The following SUSD1 variants were observed in gnomAD, a reference collection of about 807,000 sequenced individuals.
The protein encoded by SUSD1 is sushi domain-containing protein 1.
SUSD1 carries 65 observed loss-of-function variants against 86.9 expected under a neutral mutation model. The ratio of observed to expected loss-of-function variants is 0.75; its 90% CI spans 0.61 to 0.92. The LOEUF is 0.92. Among genes scored for constraint, SUSD1 ranks in the 40% least tolerant of loss-of-function variants. The pLI, the probability that SUSD1 is intolerant of heterozygous loss-of-function variation, is 0.00. For synonymous variants in SUSD1, 346 were observed against 350.0 expected, an observed-to-expected ratio of 0.99 and a Z score of 0.13; for missense variants, 850 against 929.7, an observed-to-expected ratio of 0.91 and a Z score of 1.11.
intron 1 of SUSD1, among the ~76,000 whole-genome samples, chr9:112,158,988 T>TA (rs1315875815): frequency 7.4e-6 from 1 of 135,902 alleles, no homozygotes; most frequent in Non-Finnish European, 1.5e-5. Context: ...AGCTGCCTAT[T>TA]ACCCTACTCA....
chr9:112,090,478 T>A (rs1830160846), intron 10 of SUSD1, among the ~76,000 whole-genome samples: 1 of 152,116 alleles, frequency 6.6e-6, no homozygotes. Context: ...TCCCAGGGCA[T>A]AAATAATGAA....
At chr9:112,085,230 C>G (rs985719029) in intron 10 of SUSD1, among the ~76,000 whole-genome samples, 3 of 152,082 alleles carry the variant, frequency 2.0e-5, no homozygotes, top group Admixed American at 2.0e-4. Flanking sequence ...TGCTTTCTGC[C>G]CATAACATGC....
chr9:112,135,530 T>G (rs1181384628), intron 5 of SUSD1, among the ~76,000 whole-genome samples: 1 of 152,226 alleles, frequency 6.6e-6, no homozygotes, highest in Non-Finnish European at 1.5e-5. Flanking sequence ...GTGACAATAA[T>G]GTTTGTTGAT....
At position 112,141,751 on chromosome 9, in the gene SUSD1, A is replaced by AATATATATAATATATATTACATGTAAT. The variant is rs34336560; in HGVS notation, c.706+568_706+569insATTACATGTAATATATATTATATATAT. Reference sequence around the variant, plus strand: ...ATTATATATAATATATATTACATGTAATATATAATATATAATACATTACAT... The same window carrying AATATATATAATATATATTACATGTAAT: ...ATTATATATAATATATATTACATGTAATATATATAATATATATTACATGTAATATATATAATATATAATACATTACAT... On this transcript the variant is annotated intron_variant, in intron 5 of 16. Transcript: ENST00000374270. Among the ~76,000 whole-genome samples the AATATATATAATATATATTACATGTAAT allele has an allele frequency of 4.9e-5, 7 of 143,616 alleles. No individual in the cohort carries two copies. The South Asian group carries it at 1.5e-3, about 31-fold the overall frequency. 94.2% of individuals were successfully genotyped at this position (143,616 alleles called of 152,430 possible).
chr9:112,068,264 T>C (rs1829080281), intron 12 of SUSD1, among the ~76,000 whole-genome samples: 1 of 152,022 alleles, frequency 6.6e-6, no homozygotes, highest in African/African-American at 2.4e-5. Flanking sequence ...TGCAGAGGCA[T>C]GAGGTGGTGG....
At chr9:112,115,813 AAAAAAAAAAAG>A (rs1184185120) in intron 6 of SUSD1, among the ~76,000 whole-genome samples, 6 of 15,930 alleles carry the variant, frequency 3.8e-4, no homozygotes, top group Admixed American at 1.2e-3. Context: ...CATTGCAAAA[AAAAAAAAAAAG>A]AAAAAAAAAA....
At chr9:112,138,077 A>G (rs1000802646) in intron 5 of SUSD1, among the ~76,000 whole-genome samples, 1 of 149,948 alleles carries the variant, frequency 6.7e-6, no homozygotes, top group African/African-American at 2.5e-5. Context: ...ACAAAAAATT[A>G]GCTGGGCATG....
intron 8 of SUSD1, among the ~76,000 whole-genome samples, chr9:112,107,254 C>CAAAA (rs71382407): frequency 3.2e-4 from 21 of 66,166 alleles, no homozygotes; most frequent in Non-Finnish European, 4.6e-4. Flanking sequence ...GACCATATCT[C>CAAAA]AAAAAAAAAA....
intron 12 of SUSD1, among the ~76,000 whole-genome samples, chr9:112,071,075 C>A (rs1262488490): frequency 6.6e-6 from 1 of 152,106 alleles, no homozygotes; most frequent in Non-Finnish European, 1.5e-5. Flanking sequence ...GCTTTGAACT[C>A]CTGGACTCAA....
chr9:112,132,183 T>C (rs548488611), intron 5 of SUSD1, among the ~76,000 whole-genome samples: 5 of 152,252 alleles, frequency 3.3e-5, no homozygotes, highest in African/African-American at 9.6e-5. Flanking sequence ...ATAACATAGA[T>C]TGATGACAGA....
chr9:112,058,951 G>A (rs1828583755), intron 13 of SUSD1, among the ~76,000 whole-genome samples: 1 of 152,038 alleles, frequency 6.6e-6, no homozygotes, highest in East Asian at 1.9e-4. Flanking sequence ...ATGCCACCAC[G>A]CCCAACTAAC....
At chr9:112,097,143 T>C (rs773544319) in intron 10 of SUSD1, among the ~76,000 whole-genome samples, 8 of 151,946 alleles carry the variant, frequency 5.3e-5, no homozygotes, top group Non-Finnish European at 8.8e-5. Flanking sequence ...CTGGCCAACA[T>C]GGTGAAACCC....
intron 1 of SUSD1, among the ~76,000 whole-genome samples, chr9:112,165,942 G>GAAGAAAGAAAAGAAAGAAAGAAAGA: frequency 1.4e-5 from 1 of 71,962 alleles, no homozygotes; most frequent in African/African-American, 5.5e-5. Flanking sequence ...AAGAAAGAAA[G>GAAGAAAGAAAAGAAAGAAAGAAAGA]AAGAAAGAAA....
At chr9:112,068,508 T>C (rs1448358805) in intron 12 of SUSD1, among the ~76,000 whole-genome samples, 1 of 152,058 alleles carries the variant, frequency 6.6e-6, no homozygotes, top group Non-Finnish European at 1.5e-5. Context: ...CAAGACCAGC[T>C]TGGGCAACAT....
At chr9:112,097,018 A>AT (rs1277660760) in intron 10 of SUSD1, among the ~76,000 whole-genome samples, 3 of 113,800 alleles carry the variant, frequency 2.6e-5, no homozygotes, top group Non-Finnish European at 3.6e-5. Flanking sequence ...GCTCAATCTG[A>AT]TAAAAAAAAT....
chr9:112,071,543 T>C (rs1270103871), intron 12 of SUSD1, among the ~76,000 whole-genome samples: 1 of 152,116 alleles, frequency 6.6e-6, no homozygotes, highest in Non-Finnish European at 1.5e-5. Context: ...ATATCACTAA[T>C]GAAGGTAAAC....
At position 112,102,103 on chromosome 9, in the gene SUSD1, A is replaced by G. The variant is rs558448280; in HGVS notation, c.1281+73T>C. On this transcript the variant is annotated intron_variant, in intron 9 of 16. Transcript: ENST00000374270. ...GTTCATTCATTTTTAAATACTTTGG[A>G]TACTTACTTGGAGATCGCCCAAATT... 75 of 728,598 alleles carry G rather than the reference A, an allele frequency of 1.0e-4. 2 individuals carry two copies. In the South Asian group the frequency reaches 1.5e-3, roughly 15 times the overall value. 45.1% of individuals were successfully genotyped at this position (728,598 alleles called of 1,614,324 possible). A position where few individuals can be genotyped will look rare whatever the true frequency, so the allele number is the denominator to read the frequency against.
intron 1 of SUSD1, among the ~76,000 whole-genome samples, chr9:112,159,158 T>C (rs995893608): frequency 6.6e-6 from 1 of 152,236 alleles, no homozygotes; most frequent in East Asian, 1.9e-4. Context: ...TGGTGATATA[T>C]GGCCCAAGAT....
intron 12 of SUSD1, among the ~76,000 whole-genome samples, chr9:112,074,344 TA>T (rs1829419058): frequency 6.6e-6 from 1 of 152,222 alleles, no homozygotes; most frequent in African/African-American, 2.4e-5. Flanking sequence ...GCCGTGGGGC[TA>T]TCCTGAAGAA....
Sources: allele counts gnomAD v4.1 joint callset (sites outside exome capture counted in the v4.1 genomes callset), GRCh38; gene constraint gnomAD v4.1.1; transcripts MANE v1.5; gene names NCBI Gene and HGNC (gene_info 2026-07-23, HGNC 2026-07-21).